The following PLEKHG4B variants were observed in gnomAD, a reference collection of about 807,000 sequenced individuals.
PLEKHG4B encodes pleckstrin homology and RhoGEF domain containing G4B, also known as pleckstrin homology domain-containing family G member 4B.
A neutral mutation model predicts 121.3 loss-of-function variants in PLEKHG4B; 111 were observed. The observed-to-expected ratio is 0.92, with a 90% CI of 0.78 to 1.07. PLEKHG4B has a LOEUF of 1.07. PLEKHG4B is among the 50% of genes least tolerant of loss of function. The pLI is 0.00. For synonymous variants in PLEKHG4B, 738 were observed against 725.0 expected (o/e 1.02, Z -0.29); for missense variants, 1,831 against 1,757.8 (o/e 1.04, Z -0.74).
Position 139,435 on chromosome 5 carries a change from C to G in PLEKHG4B, c.244-48C>G, listed in dbSNP as rs768342004. On this transcript the variant is annotated intron_variant, in intron 2 of 19. Coordinates refer to ENST00000637938, the MANE Select transcript of PLEKHG4B (RefSeq NM_052909.5). The surrounding 1 kb of genome is among the most constrained non-coding windows in gnomAD (Gnocchi z 5.0). ...TGGAGACCCAGGGCATGGAAGGGCTCAGGACATGGCCGTGCCCACCACTAA... is the reference window on the plus strand; with the variant it reads ...TGGAGACCCAGGGCATGGAAGGGCTGAGGACATGGCCGTGCCCACCACTAA... The G allele has an allele frequency of 1.5e-5, 6 of 398,778 alleles. No individual in the cohort carries two copies. The highest frequency in any genetic ancestry group is 2.7e-5 in the Non-Finnish European group (6 of 226,162). The allele number at this position is 398,778 out of a possible 1,614,324, so 24.7% of individuals were successfully genotyped here.
At position 181,772 on chromosome 5, in the gene PLEKHG4B, G is replaced by T. The variant is rs926805090; in HGVS notation, c.4564+97G>T. On this transcript the variant is annotated intron_variant, in intron 19 of 19. Coordinates refer to ENST00000637938, the MANE Select transcript of PLEKHG4B (RefSeq NM_052909.5). ...GGTGGCATCGGCCCCACCCTCACTCGCCCACAGAGTGCACCAGGCCTGTCG... is the reference window on the plus strand; with the variant it reads ...GGTGGCATCGGCCCCACCCTCACTCTCCCACAGAGTGCACCAGGCCTGTCG... 3.4e-6 allele frequency: 5 copies of T among 1,477,666 alleles called. No homozygotes were observed. The African/African-American group carries it at 5.6e-5, about 16-fold the overall frequency. 91.5% of individuals were successfully genotyped at this position (1,477,666 alleles called of 1,614,324 possible). A position where few individuals can be genotyped will look rare whatever the true frequency, so the allele number is the denominator to read the frequency against.
chr5:169,507 A>C lies in PLEKHG4B; in HGVS notation c.3644A>C (p.His1215Pro), dbSNP rs759655391. 5.6e-6 allele frequency: 9 copies of C among 1,614,136 alleles called. No homozygotes were observed. The highest frequency in any genetic ancestry group is 7.6e-6 in the Non-Finnish European group (9 of 1,180,004). The change falls in exon 14 of 20, where the codon CAC becomes CCC. Residue 1215 changes from histidine to proline, a missense_variant. Physicochemically the swap from His to Pro is moderately conservative, Grantham distance 77. Coordinates refer to ENST00000637938, the MANE Select transcript of PLEKHG4B (RefSeq NM_052909.5). ...ATTTTCGGCAACTTGGAGAAGCTCCACGACTTCCACCAGCAGCACTTCCTC... is the reference window on the plus strand; with the variant it reads ...ATTTTCGGCAACTTGGAGAAGCTCCCCGACTTCCACCAGCAGCACTTCCTC... ...HVIFGNLEKL[H>P]DFHQQHFLRE...
chr5:137,800 A>G lies in PLEKHG4B; in HGVS notation c.244-1683A>G, dbSNP rs1483709568. 6.6e-6 allele frequency among the ~76,000 whole-genome samples: 1 copy of G among 152,190 alleles called. No homozygotes were observed. Among genetic ancestry groups the G allele is most frequent in the Non-Finnish European group, 1.5e-5 (1 of 68,028 alleles). ...GCTGTGCTGGGCAATAGGATCGGGG[A>G]CGGACTCTGGGGGCCAGGCTCGGGG... On this transcript the variant is annotated intron_variant, in intron 2 of 19. Coordinates refer to ENST00000637938, the MANE Select transcript of PLEKHG4B (RefSeq NM_052909.5). The surrounding 1 kb of genome is among the most constrained non-coding windows in gnomAD (Gnocchi z 4.2).
chr5:100,398 C>T (rs58373727), intron 1 of PLEKHG4B, among the ~76,000 whole-genome samples: 19,998 of 137,474 alleles, frequency 0.15, 1,157 homozygotes, highest in African/African-American at 0.28. Flanking sequence ...CTGGAAAAAG[C>T]CTGTAGGGGA....
rs201315763 is a variant in PLEKHG4B, at chr5:161,828, C to T, written c.2533C>T (p.Arg845Cys). Residue 845 changes from arginine to cysteine, a missense_variant, in exon 12 of 20, where the codon CGT (arginine) becomes TGT (cysteine). By Grantham distance (180) the Arg-to-Cys change is radical. Transcript: ENST00000637938. The part of the protein sequence containing the change: ...GLQLAKENPQ[R>C]TEEMVQDFRR... ...ACAGCTGGCGAAGGAGAACCCGCAA[C>T]GTACAGAGGAAATGGTCCAGGATTT... 1.4e-4 allele frequency: 225 copies of T among 1,613,760 alleles called. No homozygotes were observed. Among genetic ancestry groups the T allele is most frequent in the Middle Eastern group, 4.9e-4 (3 of 6,084 alleles).
Position 143,504 on chromosome 5 carries a change from G to C in PLEKHG4B, c.1811+1G>C. Reference sequence around the variant, plus strand: ...TGCTGTACTTCCATAGCATCCCCAGGTGGGACGGGGGGCAAGGCCGCACCC... The same window carrying C: ...TGCTGTACTTCCATAGCATCCCCAGCTGGGACGGGGGGCAAGGCCGCACCC... On this transcript the variant is annotated splice_donor_variant, in intron 5 of 19. Coordinates refer to ENST00000637938, the MANE Select transcript of PLEKHG4B (RefSeq NM_052909.5). LOFTEE classifies it high-confidence loss of function. 6.2e-7 allele frequency: 1 copy of C among 1,612,694 alleles called. No homozygotes were observed. The highest frequency in any genetic ancestry group is 8.5e-7 in the Non-Finnish European group (1 of 1,179,920).
Position 157,085 on chromosome 5 carries a change from T to G in PLEKHG4B, c.2487+174T>G. 1.9e-6 allele frequency: 2 copies of G among 1,027,032 alleles called. No individual in the cohort carries two copies. 63.6% of individuals were successfully genotyped at this position (1,027,032 alleles called of 1,614,324 possible). ...CTGCTTGTGTAAAAAGAAATAAATT[T>G]TATTTTTTACGTGAGAGATACTGGA... is the stretch of plus-strand genomic sequence containing the variant. On this transcript the variant is annotated intron_variant, in intron 11 of 19. Coordinates refer to ENST00000637938, the MANE Select transcript of PLEKHG4B (RefSeq NM_052909.5). The surrounding 1 kb of genome is among the most constrained non-coding windows in gnomAD (Gnocchi z 4.6).
intron 7 of PLEKHG4B, among the ~76,000 whole-genome samples, chr5:152,637 C>T (rs1224617498): frequency 6.6e-6 from 1 of 152,188 alleles, no homozygotes; most frequent in Non-Finnish European, 1.5e-5. Context: ...CTCTAGTCTT[C>T]ATATCAGGTT....
At chr5:132,805 A>G (rs1734817553) in intron 2 of PLEKHG4B, among the ~76,000 whole-genome samples, 1 of 152,158 alleles carries the variant, frequency 6.6e-6, no homozygotes, top group Admixed American at 6.5e-5. Flanking sequence ...GCCTTATAGT[A>G]TAGTTTGAAG....
Position 188,868 on chromosome 5 carries a change from G to T in PLEKHG4B, c.*6545G>T, listed in dbSNP as rs991556456. On this transcript the variant is annotated 3_prime_UTR_variant, in exon 20 of 20. Coordinates refer to ENST00000637938, the MANE Select transcript of PLEKHG4B (RefSeq NM_052909.5). ...CCCACCGTGTGTATCAGGTGTCAGA[G>T]GCCTTGCTGGGTGCCAGGCCACGTC... 5 of 152,258 alleles carry T rather than the reference G, an allele frequency of 3.3e-5. No homozygotes were observed. Among genetic ancestry groups the T allele is most frequent in the Non-Finnish European group, 7.3e-5 (5 of 68,058 alleles). The allele number at this position is 152,258 out of a possible 1,614,324, so 9.4% of individuals were successfully genotyped here.
At chr5:127,103 G>C (rs1389785082) in intron 2 of PLEKHG4B, among the ~76,000 whole-genome samples, 1 of 152,114 alleles carries the variant, frequency 6.6e-6, no homozygotes, top group Admixed American at 6.6e-5. Flanking sequence ...TTTTGAACAT[G>C]CCTAGTCCCA....
chr5:184,232 A>G lies in PLEKHG4B; in HGVS notation c.*1909A>G, dbSNP rs749451326. 7.2e-5 allele frequency: 11 copies of G among 152,242 alleles called. No homozygotes were observed. The highest frequency in any genetic ancestry group is 1.3e-4 in the Non-Finnish European group (9 of 68,048). The allele number at this position is 152,242 out of a possible 1,614,324, so 9.4% of individuals were successfully genotyped here. A position where few individuals can be genotyped will look rare whatever the true frequency, so the allele number is the denominator to read the frequency against. ...GCCTGAGAACCTGGGGGCCACTGGT[A>G]TAAGTCTGAGTCCATAGACCCAGTG... On this transcript the variant is annotated 3_prime_UTR_variant, in exon 20 of 20. Coordinates refer to ENST00000637938, the MANE Select transcript of PLEKHG4B (RefSeq NM_052909.5).
intron 2 of PLEKHG4B, among the ~76,000 whole-genome samples, chr5:121,464 A>G (rs1560908048): frequency 6.6e-6 from 1 of 152,182 alleles, no homozygotes; most frequent in African/African-American, 2.4e-5. Flanking sequence ...GTCATTATCA[A>G]GCAGTCGAAA....
chr5:145,810 G>A (rs184564599), intron 6 of PLEKHG4B, among the ~76,000 whole-genome samples: 4 of 152,112 alleles, frequency 2.6e-5, no homozygotes, highest in Admixed American at 1.3e-4. Context: ...GGGAGGGGAC[G>A]GGGACAGAAC....
chr5:160,468 C>A (rs929454873), intron 11 of PLEKHG4B, among the ~76,000 whole-genome samples: 8 of 152,220 alleles, frequency 5.3e-5, no homozygotes, highest in Non-Finnish European at 8.8e-5. Flanking sequence ...AAATGGAGCC[C>A]CTAAACAGTG....
rs1736657773 is a variant in PLEKHG4B, at chr5:173,940, A to G, written c.4244A>G (p.Glu1415Gly). Reference sequence around the variant, plus strand: ...CAGACGGCCGAGATCGGGATGACAGAGAACGTCGGGGACAGTGGCTTGAGG... The same window carrying G: ...CAGACGGCCGAGATCGGGATGACAGGGAACGTCGGGGACAGTGGCTTGAGG... Reference protein sequence around the residue: ...SFKTAEIGMTENVGDSGLRFE... With the variant: ...SFKTAEIGMTGNVGDSGLRFE... Residue 1415 changes from glutamate to glycine, a missense_variant, in exon 18 of 20, where the codon GAG becomes GGG. Physicochemically the swap from Glu to Gly is moderately conservative, Grantham distance 98. Transcript: ENST00000637938. 1 of 1,613,508 alleles carries G rather than the reference A, an allele frequency of 6.2e-7. No individual in the cohort carries two copies.
intron 19 of PLEKHG4B, 126 bp downstream of exon 19, chr5:181,801 A>G: frequency 7.1e-7 from 1 of 1,399,102 alleles, no homozygotes; most frequent in South Asian, 1.4e-5. Flanking sequence ...CCTGTCGTCA[A>G]GGACACGGGT....
At chr5:176,370 C>T (rs1412744968) in intron 18 of PLEKHG4B, among the ~76,000 whole-genome samples, 1 of 152,258 alleles carries the variant, frequency 6.6e-6, no homozygotes, top group Non-Finnish European at 1.5e-5. Context: ...GTGTTCCAAG[C>T]ACCTGGAGCC....
intron 13 of PLEKHG4B, among the ~76,000 whole-genome samples, chr5:165,127 G>C (rs202041361): frequency 6.0e-5 from 4 of 66,256 alleles, no homozygotes; most frequent in African/African-American, 9.9e-5. Context: ...AGCTCACACA[G>C]TAATGCTGTG....
Sources: gnomAD v4.1 joint callset for allele counts (sites outside exome capture counted in the v4.1 genomes callset) on GRCh38, gnomAD v4.1.1 for gene constraint, Gnocchi (gnomAD v3.1) non-coding constraint, MANE v1.5 for transcripts, NCBI Gene and HGNC (gene_info 2026-07-23, HGNC 2026-07-21) for gene names.